The following ASZ1 variants were observed in gnomAD, a reference collection of about 807,000 sequenced individuals.
ASZ1 encodes ankyrin repeat, SAM and basic leucine zipper domain containing 1.
ASZ1 carries 67 observed loss-of-function variants against 61.8 expected under a neutral mutation model. The observed-to-expected ratio is 1.08, with a 90% CI of 0.89 to 1.33. ASZ1 has a LOEUF of 1.33. ASZ1 is among the 40% of genes most tolerant of loss of function. The probability of loss-of-function intolerance (pLI) is 0.00; values close to 1 mark genes in which losing one functional copy is unlikely to be tolerated. For synonymous variants in ASZ1, 193 were observed against 192.7 expected (o/e 1.00, Z -0.01); for missense variants, 577 against 554.5 (o/e 1.04, Z -0.41).
chr7:117,390,577 G>A (rs564240864), intron 4 of ASZ1, among the ~76,000 whole-genome samples: 10 of 152,212 alleles, frequency 6.6e-5, no homozygotes, highest in African/African-American at 2.4e-4. Flanking sequence ...TGGGTCAAAT[G>A]GTAATTCTAG....
rs116898195 is a variant in ASZ1, at chr7:117,408,934, T to C, written c.440+11229A>G. ...GGTTACATGGGTATATGTGTCACAATAAAAAATCTACACTGAAGATCTGTG... is the reference window on the plus strand; with the variant it reads ...GGTTACATGGGTATATGTGTCACAACAAAAAATCTACACTGAAGATCTGTG... On this transcript the variant is annotated intron_variant, in intron 4 of 12. Transcript: ENST00000284629. Among the ~76,000 whole-genome samples, 94 of 151,016 alleles carry C rather than the reference T, an allele frequency of 6.2e-4. 1 individual carries two copies. In the East Asian group the frequency reaches 0.014, roughly 23 times the overall value.
chr7:117,379,133 T>TTATATATATATATATATA (rs370500034), intron 10 of ASZ1, among the ~76,000 whole-genome samples: 1 of 104,658 alleles, frequency 9.6e-6, no homozygotes, highest in Non-Finnish European at 2.0e-5. Context: ...TGTGATAAAA[T>TTATATATATATATATATA]TATATATATA....
chr7:117,363,273 C>T lies in ASZ1; in HGVS notation c.*323G>A, dbSNP rs556489924. 8 of 161,224 alleles carry T rather than the reference C, an allele frequency of 5.0e-5. No homozygotes were observed. In the East Asian group the frequency reaches 1.4e-3, roughly 28 times the overall value. 10.0% of individuals were successfully genotyped at this position (161,224 alleles called of 1,614,324 possible). A position where few individuals can be genotyped will look rare whatever the true frequency, so the allele number is the denominator to read the frequency against. ...TTATGAACACTTTACAAATCCTGTA[C>T]GATTCACTGACAAATGAACACACTT... On this transcript the variant is annotated 3_prime_UTR_variant, in exon 13 of 13. Coordinates refer to ENST00000284629, the MANE Select transcript of ASZ1 (RefSeq NM_130768.3).
chr7:117,412,552 CTGTT>C (rs1224321907), intron 4 of ASZ1, among the ~76,000 whole-genome samples: 3 of 151,816 alleles, frequency 2.0e-5, no homozygotes, highest in Non-Finnish European at 4.4e-5. Context: ...AAGGTATCTT[CTGTT>C]TATTAAAACA....
At chr7:117,381,132 A>G in intron 8 of ASZ1, 65 bp from the exon 9 acceptor site, 1 of 1,395,270 alleles carries the variant, frequency 7.2e-7, no homozygotes, top group Non-Finnish European at 9.8e-7. Flanking sequence ...GAAGTAGGCA[A>G]ATGTTCATAA....
chr7:117,387,144 T>TA (rs577384608), intron 4 of ASZ1, among the ~76,000 whole-genome samples: 37,744 of 121,678 alleles, frequency 0.31, 6,762 homozygotes, highest in African/African-American at 0.49. Flanking sequence ...TACCTCTACT[T>TA]AAAAAAAAAA....
At chr7:117,402,777 T>C (rs1475661919) in intron 4 of ASZ1, among the ~76,000 whole-genome samples, 1 of 152,140 alleles carries the variant, frequency 6.6e-6, no homozygotes, top group Non-Finnish European at 1.5e-5. Flanking sequence ...TTATCTATAA[T>C]GGCAGAAAGA....
At chr7:117,375,910 G>A (rs1050313745) in intron 10 of ASZ1, among the ~76,000 whole-genome samples, 2 of 151,902 alleles carry the variant, frequency 1.3e-5, no homozygotes, top group Non-Finnish European at 2.9e-5. Context: ...TCTGCCTCAA[G>A]AATCTAGAAA....
chr7:117,365,919 C>T (rs1008650375), intron 12 of ASZ1, among the ~76,000 whole-genome samples: 2 of 152,220 alleles, frequency 1.3e-5, no homozygotes, highest in Non-Finnish European at 2.9e-5. Flanking sequence ...TCTTTCCCAG[C>T]TATTATTTTG....
intron 4 of ASZ1, among the ~76,000 whole-genome samples, chr7:117,416,682 G>A (rs1008925720): frequency 6.6e-6 from 1 of 152,152 alleles, no homozygotes; most frequent in Admixed American, 6.5e-5. Flanking sequence ...TCATCTTGTG[G>A]TGTAAGTTAC....
intron 4 of ASZ1, among the ~76,000 whole-genome samples, chr7:117,405,665 A>G (rs771776803): frequency 2.7e-4 from 41 of 152,178 alleles, no homozygotes; most frequent in Non-Finnish European, 5.1e-4. Flanking sequence ...TGGTGCTCAC[A>G]GGATTCTTTC....
At chr7:117,423,094 G>A (rs1797128580) in intron 2 of ASZ1, among the ~76,000 whole-genome samples, 1 of 152,164 alleles carries the variant, frequency 6.6e-6, no homozygotes, top group South Asian at 2.1e-4. Context: ...ACTTTGAGGA[G>A]GAGGTATGAT....
intron 2 of ASZ1, among the ~76,000 whole-genome samples, chr7:117,425,259 C>CTTTTTTTTTTTT (rs71148368): frequency 2.1e-5 from 2 of 93,868 alleles, no homozygotes; most frequent in Non-Finnish European, 4.0e-5. Context: ...TGAGTAATTT[C>CTTTTTTTTTTTT]TTTTTTTTTT....
chr7:117,375,370 A>G (rs1796118444), intron 10 of ASZ1, among the ~76,000 whole-genome samples: 1 of 152,194 alleles, frequency 6.6e-6, no homozygotes, highest in South Asian at 2.1e-4. Context: ...CTAGCTTTCC[A>G]TAACTAGTCA....
At chr7:117,377,787 T>G (rs1480580779) in intron 10 of ASZ1, among the ~76,000 whole-genome samples, 1 of 152,112 alleles carries the variant, frequency 6.6e-6, no homozygotes, top group East Asian at 1.9e-4. Context: ...CTTCCTGATA[T>G]TAAGGTTTAC....
chr7:117,364,607 C>T (rs1481256883), intron 12 of ASZ1, among the ~76,000 whole-genome samples: 1 of 152,098 alleles, frequency 6.6e-6, no homozygotes, highest in African/African-American at 2.4e-5. Flanking sequence ...TAGAAACATC[C>T]TGTGCTGGAG....
chr7:117,400,068 T>TTTTTTATATATACGTG (rs1189864454), intron 4 of ASZ1, among the ~76,000 whole-genome samples: 2 of 152,286 alleles, frequency 1.3e-5, no homozygotes, highest in East Asian at 3.9e-4. Flanking sequence ...ATAATATATT[T>TTTTTTATATATACGTG]TCACAATGAT....
chr7:117,422,152 AG>A, intron 3 of ASZ1, 84 bp downstream of exon 3: 2 of 1,441,038 alleles, frequency 1.4e-6, no homozygotes, highest in Non-Finnish European at 1.9e-6. Context: ...AAATGGCTTT[AG>A]TTTTTTGCAC....
chr7:117,419,215 A>C (rs1797054945), intron 4 of ASZ1, among the ~76,000 whole-genome samples: 1 of 152,180 alleles, frequency 6.6e-6, no homozygotes, highest in Admixed American at 6.5e-5. Context: ...AACAATCAAA[A>C]ATGTCTCTAG....
Sources: gnomAD v4.1 joint callset for allele counts (sites outside exome capture counted in the v4.1 genomes callset) on GRCh38, gnomAD v4.1.1 for gene constraint, MANE v1.5 for transcripts, NCBI Gene and HGNC (gene_info 2026-07-23, HGNC 2026-07-21) for gene names.